THRAP3: variants seen among roughly 807,000 people sequenced by gnomAD.
The protein encoded by THRAP3 is thyroid hormone receptor-associated protein 3.
Under a neutral mutation model 101.0 loss-of-function variants are expected in THRAP3, and 16 were observed. That is an observed-to-expected ratio of 0.16 (90% CI 0.11 to 0.24). The LOEUF (loss-of-function observed/expected upper bound fraction) is 0.24, where lower values mean the gene tolerates loss of function less well. Ranked by LOEUF, THRAP3 falls within the 10% of genes least tolerant of loss-of-function variation. The pLI is 1.00. For missense variants in THRAP3, 989 were observed against 1,202.7 expected (o/e 0.82, Z 2.63); for synonymous variants, 407 against 422.6 (o/e 0.96, Z 0.45).
chr1:36,277,257 C>T (rs1255564478), intron 2 of THRAP3, among the ~76,000 whole-genome samples: 1 of 151,976 alleles, frequency 6.6e-6, no homozygotes, highest in African/African-American at 2.4e-5. Flanking sequence ...GCATCAGCCA[C>T]TGCACCCAGC....
intron 1 of THRAP3, among the ~76,000 whole-genome samples, chr1:36,230,281 G>A (rs1319713208): frequency 6.6e-6 from 1 of 151,764 alleles, no homozygotes; most frequent in Non-Finnish European, 1.5e-5. Context: ...ACCATGCCCG[G>A]CTAATTTTGT....
At chr1:36,220,953 CAA>C (rs1206488922), upstream of THRAP3, among the ~76,000 whole-genome samples, 317 of 44,328 alleles carry the variant, frequency 7.2e-3, no homozygotes, top group African/African-American at 0.038. Context: ...GAGACTGTCT[CAA>C]AAAAAAAAAA....
intron 2 of THRAP3, among the ~76,000 whole-genome samples, chr1:36,278,637 C>T (rs988634224): frequency 6.6e-6 from 1 of 152,096 alleles, no homozygotes; most frequent in African/African-American, 2.4e-5. Flanking sequence ...GAAATTCTGT[C>T]CTTGTGCCAG....
intron 2 of THRAP3, among the ~76,000 whole-genome samples, chr1:36,267,580 C>T (rs1645531876): frequency 6.6e-6 from 1 of 152,120 alleles, no homozygotes; most frequent in South Asian, 2.1e-4. Context: ...CAGTTCCACC[C>T]AATTCCAGGG....
intron 4 of THRAP3, chr1:36,287,598 G>A: frequency 1.0e-6 from 1 of 985,372 alleles, no homozygotes; most frequent in Non-Finnish European, 1.2e-6. Flanking sequence ...AAAAAGTATG[G>A]TCTTTGCCAA....
chr1:36,237,468 CAAAAAAA>C (rs1222944821), intron 1 of THRAP3, among the ~76,000 whole-genome samples: 1 of 50,958 alleles, frequency 2.0e-5, no homozygotes, highest in Admixed American at 2.3e-4. Context: ...AACTTCATCT[CAAAAAAA>C]AAAAAAAAAA....
chr1:36,231,630 A>C (rs1645028791), intron 1 of THRAP3, among the ~76,000 whole-genome samples: 1 of 152,202 alleles, frequency 6.6e-6, no homozygotes, highest in South Asian at 2.1e-4. Flanking sequence ...TTAACAACTC[A>C]ATTTCCTTTT....
Position 36,291,354 on chromosome 1 carries a change from T to G in THRAP3, c.1746-20T>G, listed in dbSNP as rs377060877. ...CTGTGTATTGTGTTCTAATTGGGCC[T>G]CCCCATATTTCTTTTTCAGACCCAG... On this transcript the variant is annotated intron_variant, in intron 5 of 11. Coordinates refer to ENST00000354618, the MANE Select transcript of THRAP3 (RefSeq NM_005119.4). 17 of 1,610,434 alleles carry G rather than the reference T, an allele frequency of 1.1e-5. No individual in the cohort carries two copies. The African/African-American group carries it at 1.9e-4, about 18-fold the overall frequency.
At chr1:36,210,259 G>A in the THRAP3 span, among the ~76,000 whole-genome samples, 4 of 151,616 alleles carry the variant, frequency 2.6e-5, no homozygotes, top group South Asian at 4.2e-4. Context: ...CCAGCTGCTC[G>A]GGAGGCTGAG....
rs559182248 is a variant in THRAP3, at chr1:36,288,251, C to G, written c.1041-809C>G. ...GGTGATTTCTGAGGTTTTGGTGCAC[C>G]CATCACCTGAGCAGTGTACACTGTA... On this transcript the variant is annotated intron_variant, in intron 4 of 11. Coordinates refer to ENST00000354618, the MANE Select transcript of THRAP3 (RefSeq NM_005119.4). 6 of 751,998 alleles carry G rather than the reference C, an allele frequency of 8.0e-6. No individual in the cohort carries two copies. In the Admixed American group the frequency reaches 3.8e-4, roughly 47 times the overall value. The allele number at this position is 751,998 out of a possible 1,614,324, so 46.6% of individuals were successfully genotyped here.
At position 36,296,591 on chromosome 1, in the gene THRAP3, A is replaced by C; in HGVS notation, c.2124A>C (p.Gly708=). 1.3e-6 allele frequency: 2 copies of C among 1,553,138 alleles called. No homozygotes were observed. Among genetic ancestry groups the C allele is most frequent in the Non-Finnish European group, 1.7e-6 (2 of 1,156,200 alleles). ...SPREPGYKAE[G]KYKDDPVDLR... ...GGCTTATCTTTTGATAGGCTGAGGG[A>C]AAATACAAAGATGATCCTGTTGATC... The change falls in exon 9 of 12, where the codon GGA becomes GGC. Residue 708 remains glycine, a synonymous_variant. Transcript: ENST00000354618.
At chr1:36,290,937 CCT>C (rs1407279839) in intron 5 of THRAP3, among the ~76,000 whole-genome samples, 1 of 152,196 alleles carries the variant, frequency 6.6e-6, no homozygotes, top group Admixed American at 6.5e-5. Flanking sequence ...CATGACATCA[CCT>C]CCCTGAATGG....
upstream of THRAP3, among the ~76,000 whole-genome samples, chr1:36,222,027 G>C (rs1644905242): frequency 6.6e-6 from 1 of 152,002 alleles, no homozygotes; most frequent in Admixed American, 6.6e-5. Flanking sequence ...GGCCAGGCTG[G>C]TCTTGAACTC....
At chr1:36,214,034 GAAA>G in the THRAP3 span, among the ~76,000 whole-genome samples, 22 of 145,690 alleles carry the variant, frequency 1.5e-4, no homozygotes, top group Admixed American at 2.0e-4. Context: ...AAGAAAGAAA[GAAA>G]GAAAGAAAGA....
rs879812442 is a variant in THRAP3, at chr1:36,255,636, GGTTGTGCATGCCT to G, written c.-134-3743_-134-3731del. On this transcript the variant is annotated intron_variant, in intron 1 of 11. Coordinates refer to ENST00000354618, the MANE Select transcript of THRAP3 (RefSeq NM_005119.4). ...ATACAAAAAAAAAATAGCTGGGTGTGGTTGTGCATGCCTGTAATCCCAGCTACTAGGGAGGCTG... is the reference window on the plus strand; with the variant it reads ...ATACAAAAAAAAAATAGCTGGGTGTGGTAATCCCAGCTACTAGGGAGGCTG... 7.8e-3 allele frequency among the ~76,000 whole-genome samples: 1,180 copies of G among 152,010 alleles called. 10 individuals carry two copies. The highest frequency in any genetic ancestry group is 0.027 in the African/African-American group (1,125 of 41,466).
chr1:36,272,130 C>T (rs921783416), intron 2 of THRAP3, among the ~76,000 whole-genome samples: 1 of 152,098 alleles, frequency 6.6e-6, no homozygotes, highest in Non-Finnish European at 1.5e-5. Context: ...AAGCCTCCTT[C>T]CTTAGCCTCC....
At chr1:36,292,762 C>T in intron 7 of THRAP3, 53 bp downstream of exon 7, 1 of 1,349,796 alleles carries the variant, frequency 7.4e-7, no homozygotes, top group Non-Finnish European at 1.0e-6. Context: ...TTGTATCAGA[C>T]ATTAAACTCA....
chr1:36,288,846 A>T (rs1645828415), intron 4 of THRAP3: 1 of 985,326 alleles, frequency 1.0e-6, no homozygotes, highest in Non-Finnish European at 1.2e-6. Flanking sequence ...TCCATGGATC[A>T]TATATTTTTC....
chr1:36,244,722 G>GT lies in THRAP3; in HGVS notation c.-134-14646dup, dbSNP rs571871133. Among the ~76,000 whole-genome samples, 834 of 142,092 alleles carry GT rather than the reference G, an allele frequency of 5.9e-3. 6 individuals carry two copies. Among genetic ancestry groups the GT allele is most frequent in the Middle Eastern group, 0.025 (7 of 280 alleles). The allele number at this position is 142,092 out of a possible 152,430, so 93.2% of individuals were successfully genotyped here. ...TCTACCTGTACAATTTTACTTGTGG[G>GT]TTTTTTTTTTTTTTGAGACAGAGTC... On this transcript the variant is annotated intron_variant, in intron 1 of 11. Coordinates refer to ENST00000354618, the MANE Select transcript of THRAP3 (RefSeq NM_005119.4).
Sources: gnomAD v4.1 joint callset for allele counts (sites outside exome capture counted in the v4.1 genomes callset) on GRCh38, gnomAD v4.1.1 for gene constraint, MANE v1.5 for transcripts, NCBI Gene and HGNC (gene_info 2026-07-23, HGNC 2026-07-21) for gene names.